Variants in CACNA2D2 observed in about 807,000 individuals in gnomAD.
CACNA2D2 encodes the protein voltage-dependent calcium channel subunit alpha-2/delta-2.
A neutral mutation model predicts 166.4 loss-of-function variants in CACNA2D2; 48 were observed. The observed-to-expected ratio is 0.29, with a 90% confidence interval of 0.23 to 0.37. CACNA2D2 has a LOEUF of 0.37. Among genes scored for constraint, CACNA2D2 ranks in the 10% least tolerant of loss-of-function variants. The probability of loss-of-function intolerance (pLI) is 1.00; values close to 1 mark genes in which losing one functional copy is unlikely to be tolerated. For synonymous variants in CACNA2D2, 561 were observed against 573.7 expected, an observed-to-expected ratio of 0.98 and a Z score of 0.32; for missense variants, 1,122 against 1,433.0, an observed-to-expected ratio of 0.78 and a Z score of 3.50.
intron 2 of CACNA2D2, among the ~76,000 whole-genome samples, chr3:50,457,749 G>GA (rs1414661289): frequency 6.6e-6 from 1 of 152,178 alleles, no homozygotes; most frequent in African/African-American, 2.4e-5. Context: ...TATATATGAA[G>GA]AAACAAGACC....
At chr3:50,410,410 A>C (rs559326206) in intron 3 of CACNA2D2, among the ~76,000 whole-genome samples, 1 of 152,140 alleles carries the variant, frequency 6.6e-6, no homozygotes. Context: ...GAGGCTAAGC[A>C]CAGAGCATGC....
intron 3 of CACNA2D2, among the ~76,000 whole-genome samples, chr3:50,425,361 T>C (rs1321500803): frequency 6.6e-6 from 1 of 152,192 alleles, no homozygotes; most frequent in Non-Finnish European, 1.5e-5. Flanking sequence ...CTTTGGAAAT[T>C]CCACCTGCCT....
At position 50,376,477 on chromosome 3, in the gene CACNA2D2, C is replaced by G. The variant is rs992914577; in HGVS notation, c.1627-289G>C. On this transcript the variant is annotated intron_variant, in intron 17 of 37. Coordinates refer to ENST00000424201, the MANE Select transcript of CACNA2D2 (RefSeq NM_006030.4). The surrounding 1 kb of genome is among the most constrained non-coding windows in gnomAD (Gnocchi z 4.3). ...CTCATGAGCTGTCAGTTGTCCTGAC[C>G]TCTCTGCCACCACCGGCCCCACAGG... Among the ~76,000 whole-genome samples the G allele has an allele frequency of 1.3e-5, 2 of 152,158 alleles. No homozygotes were observed. The highest frequency in any genetic ancestry group is 4.8e-5 in the African/African-American group (2 of 41,420).
chr3:50,499,543 TACACCTG>T (rs1391535888), intron 1 of CACNA2D2, among the ~76,000 whole-genome samples: 1 of 152,208 alleles, frequency 6.6e-6, no homozygotes, highest in African/African-American at 2.4e-5. Context: ...CTGCAAAGTC[TACACCTG>T]ACACCCAGCA....
chr3:50,396,152 C>G (rs1458861833), intron 3 of CACNA2D2, among the ~76,000 whole-genome samples: 2 of 152,072 alleles, frequency 1.3e-5, no homozygotes, highest in African/African-American at 2.4e-5. Context: ...CTCCTGGACA[C>G]TTCCCTGGAG....
chr3:50,491,423 C>T (rs1041666804), intron 1 of CACNA2D2, among the ~76,000 whole-genome samples: 2 of 152,174 alleles, frequency 1.3e-5, no homozygotes, highest in African/African-American at 2.4e-5. Flanking sequence ...ACTGTACAAG[C>T]CCCTAGGGCT....
At chr3:50,403,233 G>C (rs892890930) in intron 3 of CACNA2D2, among the ~76,000 whole-genome samples, 3 of 152,050 alleles carry the variant, frequency 2.0e-5, no homozygotes, top group African/African-American at 7.3e-5. Flanking sequence ...CATAGACAGC[G>C]AACGGGATGG....
chr3:50,495,371 T>G (rs943573136), intron 1 of CACNA2D2, among the ~76,000 whole-genome samples: 1 of 152,216 alleles, frequency 6.6e-6, no homozygotes, highest in East Asian at 1.9e-4. Flanking sequence ...ATCGCAGCAC[T>G]GACAACACAC....
In CACNA2D2 at chr3:50,495,756, C is replaced by G. The variant is rs774119633; in HGVS notation, c.206+7462G>C. On this transcript the variant is annotated intron_variant, in intron 1 of 37. Coordinates refer to ENST00000424201, the MANE Select transcript of CACNA2D2 (RefSeq NM_006030.4). ...GCACCCACTCTGAAAGGGAAAAGTG[C>G]CAGCCCAAGGTCACACAGCAAGAGC... 7.3e-4 allele frequency among the ~76,000 whole-genome samples: 111 copies of G among 152,164 alleles called. 1 individual carries two copies. The highest frequency in any genetic ancestry group is 1.5e-3 in the Non-Finnish European group (103 of 68,036).
chr3:50,468,631 GGACAGAGAACCCA>G (rs1709936126), intron 2 of CACNA2D2, among the ~76,000 whole-genome samples: 2 of 151,846 alleles, frequency 1.3e-5, no homozygotes, highest in South Asian at 4.2e-4. Context: ...TTAAACTGAG[GGACAGAGAACCCA>G]GGCAGAGAAC....
chr3:50,374,865 C>G, intron 21 of CACNA2D2, 52 bp from the exon 22 acceptor site: 1 of 1,415,280 alleles, frequency 7.1e-7, no homozygotes, highest in Non-Finnish European at 9.8e-7. Context: ...GCCACACTGG[C>G]ACCCCCTCCC....
At chr3:50,478,823 T>A (rs1697915084) in intron 1 of CACNA2D2, among the ~76,000 whole-genome samples, 1 of 152,184 alleles carries the variant, frequency 6.6e-6, no homozygotes, top group Admixed American at 6.5e-5. Flanking sequence ...TAGGTCATGG[T>A]GGGAATATTT....
intron 2 of CACNA2D2, among the ~76,000 whole-genome samples, chr3:50,453,820 G>A (rs909976156): frequency 1.2e-4 from 18 of 152,218 alleles, no homozygotes; most frequent in African/African-American, 4.1e-4. Context: ...ACTGCAGGAA[G>A]AGGGAATGGT....
intron 3 of CACNA2D2, among the ~76,000 whole-genome samples, chr3:50,401,812 G>A (rs2106762835): frequency 6.6e-6 from 1 of 152,076 alleles, no homozygotes; most frequent in East Asian, 1.9e-4. Flanking sequence ...GGGTTCAGGC[G>A]ATTCTCCTGC....
At position 50,381,047 on chromosome 3, in the gene CACNA2D2, T is replaced by C; in HGVS notation, c.732A>G (p.Thr244=). 1 of 1,613,480 alleles carries C rather than the reference T, an allele frequency of 6.2e-7. No homozygotes were observed. Among genetic ancestry groups the C allele is most frequent in the East Asian group, 2.2e-5 (1 of 44,798 alleles). ...CGCTGCCGAAGACCTGCCACAGCAG[T>C]GTGGGGTCTTGTCTGCGGTTTTCCA... is the stretch of plus-strand genomic sequence containing the variant. The part of the protein sequence containing the change: ...VFMENRRQDP[T]LLWQVFGSAT... Residue 244 remains threonine (T), a synonymous_variant, in exon 7 of 38, where the codon ACA becomes ACG. Coordinates refer to ENST00000424201, the MANE Select transcript of CACNA2D2 (RefSeq NM_006030.4).
chr3:50,489,664 T>C (rs1306137999), intron 1 of CACNA2D2, among the ~76,000 whole-genome samples: 2 of 152,112 alleles, frequency 1.3e-5, no homozygotes, highest in Non-Finnish European at 2.9e-5. Context: ...TGGATCTATA[T>C]GCAAGGCAAG....
intron 1 of CACNA2D2, among the ~76,000 whole-genome samples, chr3:50,488,792 C>T (rs1020664297): frequency 2.8e-4 from 43 of 152,094 alleles, no homozygotes; most frequent in African/African-American, 1.0e-3. Flanking sequence ...CTCCGCCCCT[C>T]GGGTTCATGC....
intron 2 of CACNA2D2, among the ~76,000 whole-genome samples, chr3:50,449,816 G>C (rs1047377829): frequency 2.0e-5 from 3 of 152,312 alleles, no homozygotes; most frequent in African/African-American, 7.2e-5. Context: ...CAGAGACACA[G>C]GCATTCAGCC....
At chr3:50,431,435 C>A (rs1054184939) in intron 3 of CACNA2D2, among the ~76,000 whole-genome samples, 1 of 152,052 alleles carries the variant, frequency 6.6e-6, no homozygotes, top group Non-Finnish European at 1.5e-5. Flanking sequence ...GAGCTATGGG[C>A]TCAGTGCACG....
Sources: allele counts gnomAD v4.1 joint callset (sites outside exome capture counted in the v4.1 genomes callset), GRCh38; gene constraint gnomAD v4.1.1; non-coding constraint Gnocchi (gnomAD v3.1); transcripts MANE v1.5; gene names NCBI Gene and HGNC (gene_info 2026-07-23, HGNC 2026-07-21).